The following MAD1L1 variants were observed in gnomAD, a reference collection of about 807,000 sequenced individuals.
The protein encoded by MAD1L1 is mitotic arrest deficient 1 like 1.
MAD1L1 carries 95 observed loss-of-function variants against 96.9 expected under a neutral mutation model. That is an observed-to-expected ratio of 0.98 (90% confidence interval 0.83 to 1.16). The LOEUF (loss-of-function observed/expected upper bound fraction) is 1.16. Among genes scored for constraint, MAD1L1 ranks in the 50% most tolerant of loss-of-function variants. The pLI is 0.00. For missense variants in MAD1L1, 1,007 were observed against 954.4 expected, an observed-to-expected ratio of 1.06 and a Z score of -0.73; for synonymous variants, 473 against 396.6, an observed-to-expected ratio of 1.19 and a Z score of -2.29.
At chr7:1,876,377 C>A (rs1785388911) in intron 18 of MAD1L1, among the ~76,000 whole-genome samples, 1 of 152,032 alleles carries the variant, frequency 6.6e-6, no homozygotes, top group South Asian at 2.1e-4. Context: ...CAGGTGGTCA[C>A]CCTGCCGGAC....
chr7:1,971,449 T>G (rs967973412), intron 15 of MAD1L1, among the ~76,000 whole-genome samples: 1 of 152,098 alleles, frequency 6.6e-6, no homozygotes, highest in East Asian at 1.9e-4. Context: ...CAACTATACA[T>G]TAAGACTTAC....
intron 18 of MAD1L1, 41 bp from the exon 19 acceptor site, chr7:1,816,269 C>T (rs561077130): frequency 4.1e-5 from 65 of 1,583,538 alleles, no homozygotes; most frequent in Middle Eastern, 2.0e-4. Flanking sequence ...GCGGTCAGCC[C>T]GACAGGCCTC....
chr7:1,859,212 A>T (rs895309539), intron 18 of MAD1L1, among the ~76,000 whole-genome samples: 2 of 152,222 alleles, frequency 1.3e-5, no homozygotes, highest in African/African-American at 4.8e-5. Flanking sequence ...GTGTGAAGGA[A>T]GAGCCACTTC....
chr7:2,111,021 G>A (rs935785063), intron 11 of MAD1L1, among the ~76,000 whole-genome samples: 14 of 152,308 alleles, frequency 9.2e-5, no homozygotes, highest in Admixed American at 3.3e-4. Flanking sequence ...GAGGAAGAAC[G>A]GATCAGGAAG....
chr7:2,112,689 A>T (rs57630685), intron 11 of MAD1L1, among the ~76,000 whole-genome samples: 54 of 152,328 alleles, frequency 3.5e-4, no homozygotes, highest in African/African-American at 1.3e-3. Flanking sequence ...GTGTCCACCG[A>T]GGGGCCCTGG....
chr7:1,951,792 A>G (rs988097278), intron 16 of MAD1L1, among the ~76,000 whole-genome samples: 1 of 152,068 alleles, frequency 6.6e-6, no homozygotes, highest in Non-Finnish European at 1.5e-5. Context: ...GGCTGTATCT[A>G]TCATGCTCCA....
chr7:1,847,587 G>C (rs1047631841), intron 18 of MAD1L1: 8 of 470,980 alleles, frequency 1.7e-5, no homozygotes, highest in African/African-American at 4.0e-5. Context: ...TTCTGAAACC[G>C]GGATGCACAC....
chr7:1,837,725 GT>G (rs1178994805), intron 18 of MAD1L1, among the ~76,000 whole-genome samples: 2 of 152,256 alleles, frequency 1.3e-5, no homozygotes, highest in African/African-American at 4.8e-5. Context: ...TCTGGAAAAC[GT>G]GGATGAACCC....
rs988522386 is a variant in MAD1L1, at chr7:2,172,984, C to T, written c.987-23746G>A. Among the ~76,000 whole-genome samples, 21 of 152,230 alleles carry T rather than the reference C, an allele frequency of 1.4e-4. 1 individual carries two copies. The highest frequency in any genetic ancestry group is 5.1e-4 in the African/African-American group (21 of 41,460). ...AGACTACAGCACCTGCTAGCATGCC[C>T]CTGGCATTCCCAGTCGAATCTCCTT... is the stretch of plus-strand genomic sequence containing the variant. On this transcript the variant is annotated intron_variant, in intron 10 of 18. Transcript: ENST00000265854.
chr7:2,082,663 A>C (rs1228575147), intron 11 of MAD1L1, among the ~76,000 whole-genome samples: 1 of 152,224 alleles, frequency 6.6e-6, no homozygotes, highest in East Asian at 1.9e-4. Context: ...GCTTGCATCA[A>C]ATTAGACAAA....
chr7:2,093,167 C>T (rs1423487912), intron 11 of MAD1L1, among the ~76,000 whole-genome samples: 1 of 150,482 alleles, frequency 6.6e-6, no homozygotes, highest in Non-Finnish European at 1.5e-5. Flanking sequence ...ATCGCTTAAA[C>T]CCAGGAGGCA....
rs566429255 is a variant in MAD1L1 at position 2,166,411 on chromosome 7, C to T, written c.987-17173G>A. On this transcript the variant is annotated intron_variant, in intron 10 of 18. Coordinates refer to ENST00000265854, the MANE Select transcript of MAD1L1 (RefSeq NM_001013836.2). ...AAGCAGCCTGGGTTCCAATTAAGCC[C>T]GTGTGACCACCCCAGGGATGCCAGA... Among the ~76,000 whole-genome samples, 55 of 152,286 alleles carry T rather than the reference C, an allele frequency of 3.6e-4. 1 individual carries two copies. The highest frequency in any genetic ancestry group is 1.4e-3 in the South Asian group (7 of 4,830).
At chr7:2,045,222 C>A (rs1017882643) in intron 12 of MAD1L1, among the ~76,000 whole-genome samples, 2 of 152,220 alleles carry the variant, frequency 1.3e-5, no homozygotes, top group African/African-American at 2.4e-5. Context: ...GGCTGTGAAT[C>A]CCTGTAAGAG....
intron 17 of MAD1L1, among the ~76,000 whole-genome samples, chr7:1,915,096 G>T (rs4721190): frequency 1.3e-5 from 2 of 152,032 alleles, no homozygotes; most frequent in Admixed American, 6.6e-5. Context: ...CCTCAGAAGC[G>T]CTGCTCAGCT....
intron 10 of MAD1L1, among the ~76,000 whole-genome samples, chr7:2,188,577 A>C (rs181814802): frequency 1.3e-5 from 2 of 152,350 alleles, no homozygotes; most frequent in Non-Finnish European, 2.9e-5. Context: ...TGCCAAAACC[A>C]TTCAATGAGG....
intron 15 of MAD1L1, among the ~76,000 whole-genome samples, chr7:1,966,242 A>G (rs1780161439): frequency 6.6e-6 from 1 of 152,136 alleles, no homozygotes; most frequent in Non-Finnish European, 1.5e-5. Context: ...AAACTAAAAC[A>G]CTCTCATTTC....
At chr7:2,193,936 ATTTTTTTTTTT>A (rs35067993) in intron 10 of MAD1L1, among the ~76,000 whole-genome samples, 75 of 82,802 alleles carry the variant, frequency 9.1e-4, no homozygotes, top group Non-Finnish European at 1.3e-3. Flanking sequence ...CTCTGCATGG[ATTTTTTTTTTT>A]TTTTTTTTTT....
intron 18 of MAD1L1, 31 bp downstream of exon 18, chr7:1,898,169 C>G (rs1212967653): frequency 6.4e-7 from 1 of 1,572,164 alleles, no homozygotes; most frequent in Non-Finnish European, 8.6e-7. Flanking sequence ...GAGAGCGAGA[C>G]AGCCGGAGAG....
intron 17 of MAD1L1, among the ~76,000 whole-genome samples, chr7:1,901,548 C>T (rs1371857623): frequency 1.3e-5 from 2 of 152,212 alleles, no homozygotes; most frequent in African/African-American, 4.8e-5. Flanking sequence ...TGGGCTGAGG[C>T]GAGACAGTGG....
Sources: gnomAD v4.1 joint callset for allele counts (sites outside exome capture counted in the v4.1 genomes callset) on GRCh38, gnomAD v4.1.1 for gene constraint, MANE v1.5 for transcripts, NCBI Gene and HGNC (gene_info 2026-07-23, HGNC 2026-07-21) for gene names.